Variants in DCAF5 observed in about 807,000 individuals in gnomAD.
DCAF5 encodes DDB1 and CUL4 associated factor 5.
A neutral mutation model predicts 80.7 loss-of-function variants in DCAF5; 9 were observed. The ratio of observed to expected loss-of-function variants is 0.11; its 90% CI spans 0.07 to 0.19. DCAF5 has a LOEUF of 0.19. DCAF5 is among the 10% of genes least tolerant of loss of function. DCAF5 has a pLI of 1.00. For synonymous variants in DCAF5, 433 were observed against 461.9 expected (o/e 0.94, Z 0.80); for missense variants, 842 against 1,205.7 (o/e 0.70, Z 4.47).
chr14:69,095,689 G>A (rs2039683792), intron 5 of DCAF5, among the ~76,000 whole-genome samples: 2 of 152,210 alleles, frequency 1.3e-5, no homozygotes, highest in Admixed American at 1.3e-4. Flanking sequence ...TCCAGGGAAA[G>A]TGATTGAGCG....
intron 5 of DCAF5, among the ~76,000 whole-genome samples, chr14:69,101,423 G>A (rs533328288): frequency 2.6e-5 from 4 of 152,318 alleles, no homozygotes; most frequent in Admixed American, 1.3e-4. Flanking sequence ...GAACAGTGCT[G>A]TAATAAGGGG....
chr14:69,118,313 A>G lies in DCAF5; in HGVS notation c.396-35T>C, dbSNP rs1018919009. 29 of 1,610,210 alleles carry G rather than the reference A, an allele frequency of 1.8e-5. No individual in the cohort carries two copies. The highest frequency in any genetic ancestry group is 2.4e-5 in the Non-Finnish European group (28 of 1,177,518). On this transcript the variant is annotated intron_variant, in intron 3 of 8. Transcript: ENST00000341516. This position sits in a 1 kb window ranked among gnomAD's most constrained non-coding sequence, Gnocchi z 4.0. Reference sequence around the variant, plus strand: ...AAGAGAGCAAGACAGAGGCACACACATACACACAAGCATAGTGCAGAGTCC... The same window carrying G: ...AAGAGAGCAAGACAGAGGCACACACGTACACACAAGCATAGTGCAGAGTCC...
intron 6 of DCAF5, chr14:69,091,213 AC>A: frequency 5.7e-6 from 4 of 700,714 alleles, no homozygotes; most frequent in Non-Finnish European, 1.0e-5. Context: ...AAAGCTGCTT[AC>A]CCCATTTCAT....
intron 1 of DCAF5, among the ~76,000 whole-genome samples, chr14:69,126,157 T>C (rs1268802285): frequency 6.9e-6 from 1 of 145,116 alleles, no homozygotes; most frequent in Non-Finnish European, 1.5e-5. Context: ...CAGAGATTCT[T>C]TTTTTTTTTT....
chr14:69,087,318 C>T (rs576777514), intron 6 of DCAF5, among the ~76,000 whole-genome samples: 1 of 152,166 alleles, frequency 6.6e-6, no homozygotes, highest in Non-Finnish European at 1.5e-5. Flanking sequence ...TGTACCCAGT[C>T]AGGCTTCAGG....
In DCAF5 at chr14:69,053,445, G is replaced by A. The variant is rs2037823691; in HGVS notation, c.*412C>T. 6.1e-6 allele frequency: 1 copy of A among 164,340 alleles called. No individual in the cohort carries two copies. The highest frequency in any genetic ancestry group is 2.4e-5 in the African/African-American group (1 of 41,578). 10.2% of individuals were successfully genotyped at this position (164,340 alleles called of 1,614,324 possible). On this transcript the variant is annotated 3_prime_UTR_variant, in exon 9 of 9. Coordinates refer to ENST00000341516, the MANE Select transcript of DCAF5 (RefSeq NM_003861.3). Reference sequence around the variant, plus strand: ...CTATGGCATGTAAACAGGGTGAGATGGCAAAAAGTACAAATTCATAGGTCC... The same window carrying A: ...CTATGGCATGTAAACAGGGTGAGATAGCAAAAAGTACAAATTCATAGGTCC...
intron 1 of DCAF5, among the ~76,000 whole-genome samples, chr14:69,149,084 T>C (rs2041628326): frequency 6.6e-6 from 1 of 152,208 alleles, no homozygotes; most frequent in African/African-American, 2.4e-5. Flanking sequence ...ACTCAGTATT[T>C]TCTCTGAGAG....
intron 1 of DCAF5, among the ~76,000 whole-genome samples, chr14:69,123,055 A>G (rs2040771455): frequency 6.6e-6 from 1 of 151,996 alleles, no homozygotes; most frequent in African/African-American, 2.4e-5. Flanking sequence ...GCAGCAAACC[A>G]TAGCAAGCTC....
At chr14:69,060,998 A>G (rs1277443933) in intron 8 of DCAF5, among the ~76,000 whole-genome samples, 1 of 149,854 alleles carries the variant, frequency 6.7e-6, no homozygotes, top group Admixed American at 6.6e-5. Context: ...TCATTTTAAT[A>G]AAAAAATTGA....
At chr14:69,127,105 TATCACGCA>T (rs1158989364) in intron 1 of DCAF5, among the ~76,000 whole-genome samples, 1 of 152,210 alleles carries the variant, frequency 6.6e-6, no homozygotes, top group Admixed American at 6.5e-5. Context: ...AACGTACTCT[TATCACGCA>T]ATCCAGCAAT....
chr14:69,056,706 C>T lies in DCAF5; in HGVS notation c.1075-1095G>A, dbSNP rs74978015. ...TCCCCATCCTTCATCTAGACCAAGACTTCGTTTCCCCAAAGCTATCTAAGG... is the reference window on the plus strand; with the variant it reads ...TCCCCATCCTTCATCTAGACCAAGATTTCGTTTCCCCAAAGCTATCTAAGG... On this transcript the variant is annotated intron_variant, in intron 8 of 8. Transcript: ENST00000341516. 2.2e-3 allele frequency among the ~76,000 whole-genome samples: 335 copies of T among 152,300 alleles called. 2 individuals carry two copies. The highest frequency in any genetic ancestry group is 7.8e-3 in the African/African-American group (325 of 41,576).
chr14:69,152,739 C>A lies in DCAF5; in HGVS notation c.214+26G>T, dbSNP rs368388515. 140 of 1,534,246 alleles carry A rather than the reference C, an allele frequency of 9.1e-5. No homozygotes were observed. In the Admixed American group the frequency reaches 9.4e-4, roughly 10 times the overall value. ...GAGGCTGGGAGGGTGCGGGGAGGCG[C>A]GGGGAGGGGAAGGGGGTTGATTTAC... On this transcript the variant is annotated intron_variant, in intron 1 of 8. Coordinates refer to ENST00000341516, the MANE Select transcript of DCAF5 (RefSeq NM_003861.3). The surrounding 1 kb of genome is among the most constrained non-coding windows in gnomAD (Gnocchi z 4.1).
At chr14:69,115,565 CG>C (rs2040516917) in intron 5 of DCAF5, among the ~76,000 whole-genome samples, 1 of 152,250 alleles carries the variant, frequency 6.6e-6, no homozygotes, top group East Asian at 1.9e-4. Context: ...TAGCAATACA[CG>C]GAAGTTTTTT....
rs2039638327 is a variant in DCAF5, at chr14:69,094,601, G to A, written c.666-2714C>T. Among the ~76,000 whole-genome samples, 3 of 152,146 alleles carry A rather than the reference G, an allele frequency of 2.0e-5. No individual in the cohort carries two copies. In the South Asian group the frequency reaches 6.2e-4, roughly 31 times the overall value. On this transcript the variant is annotated intron_variant, in intron 5 of 8. Coordinates refer to ENST00000341516, the MANE Select transcript of DCAF5 (RefSeq NM_003861.3). Reference sequence around the variant, plus strand: ...ATGACACCTGAAATCCAGAAAGTAAGTTACATTAACTGTAATTTATCAGCA... The same window carrying A: ...ATGACACCTGAAATCCAGAAAGTAAATTACATTAACTGTAATTTATCAGCA...
At chr14:69,149,858 T>A (rs1258771527) in intron 1 of DCAF5, among the ~76,000 whole-genome samples, 1 of 152,174 alleles carries the variant, frequency 6.6e-6, no homozygotes, top group Admixed American at 6.5e-5. Flanking sequence ...CCCACTCAGG[T>A]GTTGACTGCT....
intron 6 of DCAF5, among the ~76,000 whole-genome samples, chr14:69,088,143 A>G (rs1304741991): frequency 5.3e-5 from 8 of 152,066 alleles, no homozygotes; most frequent in Admixed American, 5.2e-4. Flanking sequence ...CCACTCCTTA[A>G]TGTTTACTCC....
At chr14:69,059,947 T>C (rs2038142744) in intron 8 of DCAF5, among the ~76,000 whole-genome samples, 1 of 152,122 alleles carries the variant, frequency 6.6e-6, no homozygotes. Flanking sequence ...ACTTGGCTAG[T>C]TTGCAACATA....
intron 7 of DCAF5, among the ~76,000 whole-genome samples, chr14:69,069,136 G>C (rs574063783): frequency 1.3e-5 from 2 of 152,312 alleles, no homozygotes; most frequent in East Asian, 3.9e-4. Context: ...AAGTCACTGA[G>C]AGTGAATACA....
chr14:69,147,141 A>C (rs1177092141), intron 1 of DCAF5, among the ~76,000 whole-genome samples: 1 of 152,258 alleles, frequency 6.6e-6, no homozygotes, highest in African/African-American at 2.4e-5. Context: ...ATAGGTTCAA[A>C]TTAAGCATAT....
Sources: gnomAD v4.1 joint callset for allele counts (sites outside exome capture counted in the v4.1 genomes callset) on GRCh38, gnomAD v4.1.1 for gene constraint, Gnocchi (gnomAD v3.1) non-coding constraint, MANE v1.5 for transcripts, NCBI Gene and HGNC (gene_info 2026-07-23, HGNC 2026-07-21) for gene names.